Variants in SYMPK observed in about 807,000 individuals in gnomAD.
SYMPK encodes symplekin scaffold protein.
SYMPK carries 49 observed loss-of-function variants against 136.4 expected under a neutral mutation model. The ratio of observed to expected loss-of-function variants is 0.36; its 90% CI spans 0.29 to 0.46. SYMPK has a LOEUF of 0.46. Ranked by LOEUF, SYMPK falls within the 20% of genes least tolerant of loss-of-function variation. The pLI, the probability that SYMPK is intolerant of heterozygous loss-of-function variation, is 1.00. For synonymous variants in SYMPK, 766 were observed against 713.0 expected (o/e 1.07, Z -1.19); for missense variants, 1,365 against 1,690.0 (o/e 0.81, Z 3.37).
At chr19:45,837,853 ACTGGGAGGGGCCTGGAGAG>A (rs1397296365) in intron 10 of SYMPK, among the ~76,000 whole-genome samples, 2 of 152,006 alleles carry the variant, frequency 1.3e-5, no homozygotes, top group African/African-American at 2.4e-5. Context: ...TGGTTTGGGA[ACTGGGAGGGGCCTGGAGAG>A]GAGCGTGGGG....
chr19:45,852,371 G>A lies in SYMPK; in HGVS notation c.240C>T (p.Phe80=). The change falls in exon 5 of 27, where the codon TTC becomes TTT. Residue 80 remains phenylalanine, a synonymous_variant. Transcript: ENST00000245934. ...GCACTTCGATTGACTTGTCTGCTTG[G>A]AATGCGATGATCTCCTGCCAATGTT... ...LDNFLDEIIA[F]QADKSIEVRK... 6.2e-7 allele frequency: 1 copy of A among 1,614,198 alleles called. No individual in the cohort carries two copies. The highest frequency in any genetic ancestry group is 8.5e-7 in the Non-Finnish European group (1 of 1,180,050).
At chr19:45,828,851 T>C in intron 14 of SYMPK, 119 bp downstream of exon 14, 1 of 955,922 alleles carries the variant, frequency 1.0e-6, no homozygotes, top group South Asian at 1.5e-5. Context: ...TTGGGATGGG[T>C]GCGAGGAGGA....
intron 8 of SYMPK, among the ~76,000 whole-genome samples, chr19:45,843,760 C>T (rs910908167): frequency 4.6e-5 from 7 of 151,858 alleles, no homozygotes; most frequent in Non-Finnish European, 1.0e-4. Flanking sequence ...TCCTGGCCAA[C>T]ACGGTGAAAC....
intron 7 of SYMPK, 59 bp from the exon 8 acceptor site, chr19:45,844,259 A>G (rs1300676410): frequency 1.4e-6 from 2 of 1,421,364 alleles, no homozygotes; most frequent in East Asian, 4.9e-5. Flanking sequence ...CTCTGGAGAC[A>G]GCAGCTTTTG....
intron 1 of SYMPK, among the ~76,000 whole-genome samples, 155 bp downstream of exon 1, chr19:45,862,903 G>T (rs914432452): frequency 1.2e-4 from 19 of 152,214 alleles, no homozygotes; most frequent in African/African-American, 4.6e-4. Context: ...GAGGGCACTA[G>T]GGAGCCAAGG....
intron 1 of SYMPK, among the ~76,000 whole-genome samples, chr19:45,860,736 C>A (rs1234294611): frequency 6.6e-6 from 1 of 152,156 alleles, no homozygotes; most frequent in Non-Finnish European, 1.5e-5. Flanking sequence ...CTCTGCCTCC[C>A]GGGCTCAGGC....
intron 19 of SYMPK, 45 bp downstream of exon 19, chr19:45,823,722 A>C: frequency 1.3e-6 from 2 of 1,550,788 alleles, no homozygotes; most frequent in Non-Finnish European, 1.8e-6. Context: ...GGGAAGGCTA[A>C]GGAGAGGGAG....
In SYMPK at chr19:45,815,533, C is replaced by T. The variant is rs1454977941; in HGVS notation, c.*27G>A. The stretch of plus-strand genomic sequence containing the variant: ...CCGTCCCCCAGCCCCGAGTCCCTGT[C>T]CCACCCCCTTTCCCCCTCGAGCCCC... On this transcript the variant is annotated 3_prime_UTR_variant, in exon 27 of 27. Transcript: ENST00000245934. The T allele has an allele frequency of 5.5e-6, 5 of 903,700 alleles. No individual in the cohort carries two copies. The highest frequency in any genetic ancestry group is 2.9e-4 in the Middle Eastern group (1 of 3,502). 56.0% of individuals were successfully genotyped at this position (903,700 alleles called of 1,614,324 possible).
chr19:45,818,265 A>C, intron 22 of SYMPK, 119 bp from the exon 23 acceptor site: 2 of 1,112,044 alleles, frequency 1.8e-6, no homozygotes, highest in Non-Finnish European at 2.5e-6. Context: ...CTGACTTCTA[A>C]AGCCCCTGCG....
At position 45,827,854 on chromosome 19, in the gene SYMPK, T is replaced by C. The variant is rs780247522; in HGVS notation, c.2050A>G (p.Lys684Glu). 6.8e-6 allele frequency: 11 copies of C among 1,613,910 alleles called. No individual in the cohort carries two copies. The highest frequency in any genetic ancestry group is 1.1e-5 in the South Asian group (1 of 91,094). The part of the protein sequence containing the change: ...ITESALEVVR[K>E]YCEDESRTYL... ...GTCCTCACCTCATCCTCGCAGTACT[T>C]GCGGACCACCTCCAGGGCACTCTCT... The change falls in exon 15 of 27, where the codon AAG becomes GAG. Residue 684 changes from lysine (K) to glutamate (E), a missense_variant. Coordinates refer to ENST00000245934, the MANE Select transcript of SYMPK (RefSeq NM_004819.3).
Position 45,844,052 on chromosome 19 carries a change from G to A in SYMPK, c.825C>T (p.Ile275=). 1 of 1,590,638 alleles carries A rather than the reference G, an allele frequency of 6.3e-7. No individual in the cohort carries two copies. Among genetic ancestry groups the A allele is most frequent in the South Asian group, 1.1e-5 (1 of 87,406 alleles). The change falls in exon 8 of 27, where the codon ATC becomes ATT. Residue 275 remains isoleucine (I), a synonymous_variant. Coordinates refer to ENST00000245934, the MANE Select transcript of SYMPK (RefSeq NM_004819.3). ...RQRPMFMSEV[I]QAYETLHANL... ...TACCATGCAGAGTTTCATAGGCCTG[G>A]ATCACCTCAGACATGAACATGGGTC...
chr19:45,816,805 G>T lies in SYMPK; in HGVS notation c.3251C>A (p.Pro1084His). The change falls in exon 24 of 27, where the codon CCC becomes CAC. Residue 1084 changes from proline (P) to histidine (H), a missense_variant. Coordinates refer to ENST00000245934, the MANE Select transcript of SYMPK (RefSeq NM_004819.3). Reference protein sequence around the residue: ...PLLAHVRSFTPHQQAHIPNSI... With the variant: ...PLLAHVRSFTHHQQAHIPNSI... The stretch of plus-strand genomic sequence containing the variant: ...GGTGGGGGGAAGGGGTACCTGGTGG[G>T]GGGTGAAGGAGCGGACATGGGCCAG... 1.3e-6 allele frequency: 2 copies of T among 1,533,818 alleles called. No individual in the cohort carries two copies. The highest frequency in any genetic ancestry group is 1.8e-6 in the Non-Finnish European group (2 of 1,139,630).
rs544225800 is a variant in SYMPK, at chr19:45,825,155, G to A, written c.2490+16C>T. 6.2e-7 allele frequency: 1 copy of A among 1,608,974 alleles called. No homozygotes were observed. Among genetic ancestry groups the A allele is most frequent in the Non-Finnish European group, 8.5e-7 (1 of 1,177,722 alleles). On this transcript the variant is annotated intron_variant, in intron 18 of 26. Transcript: ENST00000245934. ...GCCCGTGGGTGGGCAGGGCCTGGTG[G>A]GCTCAGGGGCCTCACCGGCTGCTCA...
At chr19:45,826,523 GT>G (rs28362500) in intron 16 of SYMPK, 150 bp from the exon 17 acceptor site, 254,108 of 793,022 alleles carry the variant, frequency 0.32, 43,416 homozygotes, top group Middle Eastern at 0.36. Flanking sequence ...CTGGTCCCCA[GT>G]GCAGGAGGCA....
At chr19:45,858,723 C>T (rs183569821) in intron 1 of SYMPK, among the ~76,000 whole-genome samples, 235 of 152,296 alleles carry the variant, frequency 1.5e-3, no homozygotes, top group Non-Finnish European at 2.2e-3. Context: ...CCATGTTGGT[C>T]AGGCTGATCT....
At chr19:45,823,347 G>C (rs749615668) in intron 20 of SYMPK, 25 bp downstream of exon 20, 1 of 1,610,262 alleles carries the variant, frequency 6.2e-7, no homozygotes, top group South Asian at 1.1e-5. Flanking sequence ...AGGTAGCAGG[G>C]ACAAACAGGC....
intron 1 of SYMPK, among the ~76,000 whole-genome samples, chr19:45,857,664 TG>T: frequency 6.6e-6 from 1 of 151,736 alleles, no homozygotes; most frequent in South Asian, 2.1e-4. Context: ...GCTAATTTTT[TG>T]TATTTTTAGT....
At chr19:45,852,963 A>C (rs530371748) in intron 3 of SYMPK, among the ~76,000 whole-genome samples, 10 of 152,326 alleles carry the variant, frequency 6.6e-5, no homozygotes, top group Non-Finnish European at 1.5e-4. Context: ...GCCATGATTC[A>C]GCAAACATCT....
chr19:45,842,065 G>C (rs1005556321), intron 9 of SYMPK, among the ~76,000 whole-genome samples, 185 bp downstream of exon 9: 1 of 151,866 alleles, frequency 6.6e-6, no homozygotes, highest in Admixed American at 6.6e-5. Context: ...TTGAACCCCG[G>C]CCTCAAGTGA....
Sources: allele counts gnomAD v4.1 joint callset (sites outside exome capture counted in the v4.1 genomes callset), GRCh38; gene constraint gnomAD v4.1.1; transcripts MANE v1.5; gene names NCBI Gene and HGNC (gene_info 2026-07-23, HGNC 2026-07-21).